SEMA4D: variants seen among roughly 807,000 people sequenced by gnomAD.
SEMA4D encodes the protein semaphorin-4D.
A neutral mutation model predicts 74.8 loss-of-function variants in SEMA4D; 22 were observed. The observed-to-expected ratio is 0.29, with a 90% confidence interval of 0.21 to 0.42. The LOEUF (loss-of-function observed/expected upper bound fraction) is 0.42. Ranked by LOEUF, SEMA4D falls within the 10% of genes least tolerant of loss-of-function variation. The pLI is 1.00. For missense variants in SEMA4D, 937 were observed against 1,118.4 expected, an observed-to-expected ratio of 0.84 and a Z score of 2.31; for synonymous variants, 445 against 463.7, an observed-to-expected ratio of 0.96 and a Z score of 0.52.
At position 89,379,284 on chromosome 9, in the gene SEMA4D, G is replaced by A. The variant is rs201398393; in HGVS notation, c.2009C>T (p.Thr670Ile). The change falls in exon 16 of 16, where the codon ACC becomes ATC. Residue 670 changes from threonine to isoleucine, a missense_variant. Transcript: ENST00000422704. ...VVQTEGSRIA[T>I]KVLVASTQGS... ...TTGGGTGGATGCCACCAACACTTTGGTGGCAATCCTACTACCTTCTGTCTG... is the reference window on the plus strand; with the variant it reads ...TTGGGTGGATGCCACCAACACTTTGATGGCAATCCTACTACCTTCTGTCTG... 357 of 1,614,046 alleles carry A rather than the reference G, an allele frequency of 2.2e-4. No homozygotes were observed. The highest frequency in any genetic ancestry group is 2.2e-4 in the Non-Finnish European group (265 of 1,180,036).
At chr9:89,419,221 C>T (rs1054878392) in intron 2 of SEMA4D, among the ~76,000 whole-genome samples, 2 of 152,222 alleles carry the variant, frequency 1.3e-5, no homozygotes, top group Non-Finnish European at 2.9e-5. Flanking sequence ...CGTAGTGGAG[C>T]TTCCAGAGAC....
chr9:89,369,294 T>C (rs1834178488), intron 16 of SEMA4D: 1 of 152,264 alleles, frequency 6.6e-6, no homozygotes, highest in Admixed American at 6.5e-5. Flanking sequence ...CTTCTGCTGC[T>C]GCCCTCTGAT....
downstream of SEMA4D, among the ~76,000 whole-genome samples, chr9:89,372,924 C>A (rs762440988): frequency 1.3e-5 from 2 of 152,122 alleles, no homozygotes; most frequent in Non-Finnish European, 2.9e-5. Context: ...CTTTCCGTAT[C>A]ATCTTCCACT....
intron 1 of SEMA4D, among the ~76,000 whole-genome samples, chr9:89,476,028 A>C (rs765237881): frequency 1.3e-5 from 2 of 152,170 alleles, no homozygotes; most frequent in Non-Finnish European, 2.9e-5. Flanking sequence ...GACCGGAATG[A>C]AGCAACCTTC....
rs539885956 is a variant in SEMA4D at position 89,392,876 on chromosome 9, G to A, written c.509-340C>T. ...CAAGCAGCTTGGACTACAGGTGCGC[G>A]CCACCATGTCTGGCTAATTTTTACA... On this transcript the variant is annotated intron_variant, in intron 7 of 15. Transcript: ENST00000422704. Among the ~76,000 whole-genome samples the A allele has an allele frequency of 9.9e-5, 15 of 152,174 alleles. No individual in the cohort carries two copies. In the East Asian group the frequency reaches 1.2e-3, roughly 12 times the overall value.
In SEMA4D at chr9:89,391,431, A is replaced by G. The variant is rs756048794; in HGVS notation, c.623-16T>C. 3 of 1,614,100 alleles carry G rather than the reference A, an allele frequency of 1.9e-6. No individual in the cohort carries two copies. The highest frequency in any genetic ancestry group is 1.1e-5 in the South Asian group (1 of 91,076). On this transcript the variant is annotated splice_polypyrimidine_tract_variant and intron_variant, in intron 8 of 15. Transcript: ENST00000422704. ...AAACTAGGCTCTGCAGAGAGAGGAC[A>G]GTGATTATCCCAGAACACAGAGCTG...
intron 1 of SEMA4D, among the ~76,000 whole-genome samples, chr9:89,477,346 A>C (rs1862030121): frequency 1.3e-5 from 2 of 152,088 alleles, no homozygotes; most frequent in Admixed American, 1.3e-4. Context: ...GGCCTACTAA[A>C]ACACTGCCAA....
intron 1 of SEMA4D, among the ~76,000 whole-genome samples, chr9:89,471,130 G>C (rs1308395275): frequency 6.6e-6 from 1 of 152,174 alleles, no homozygotes; most frequent in Non-Finnish European, 1.5e-5. Context: ...TTTTTAGCCA[G>C]ACACAAAAGG....
At chr9:89,449,497 T>C in intron 2 of SEMA4D, 1 of 740,468 alleles carries the variant, frequency 1.4e-6, no homozygotes, top group South Asian at 1.4e-5. Context: ...AGCCTGTGGC[T>C]GGGAAGGGAG....
At chr9:89,363,900 T>G in exon 17 of SEMA4D, 5 of 1,614,008 alleles carry the variant, frequency 3.1e-6, no homozygotes, top group Non-Finnish European at 4.2e-6. Flanking sequence ...GGGACACAGG[T>G]CTCCAGAGCT....
intron 2 of SEMA4D, among the ~76,000 whole-genome samples, chr9:89,413,985 A>T (rs1024086684): frequency 6.6e-6 from 1 of 152,202 alleles, no homozygotes; most frequent in Non-Finnish European, 1.5e-5. Flanking sequence ...AGATGTGAAT[A>T]GTGACTGCTG....
chr9:89,463,011 A>G (rs1857722374), intron 1 of SEMA4D, among the ~76,000 whole-genome samples: 1 of 90,178 alleles, frequency 1.1e-5, no homozygotes, highest in Admixed American at 1.2e-4. Context: ...AAGAGAACAC[A>G]GAAAAGGGAA....
chr9:89,370,557 G>GCTGGTGTGTGGTATGT (rs1834422316), intron 16 of SEMA4D, among the ~76,000 whole-genome samples: 1 of 150,120 alleles, frequency 6.7e-6, no homozygotes, highest in Admixed American at 6.6e-5. Context: ...GGGGTGTGGT[G>GCTGGTGTGTGGTATGT]CTGGTGTGTG....
chr9:89,437,660 T>G (rs1011119943), intron 2 of SEMA4D, among the ~76,000 whole-genome samples: 1 of 152,106 alleles, frequency 6.6e-6, no homozygotes, highest in Non-Finnish European at 1.5e-5. Flanking sequence ...CTGCCTCTGG[T>G]CAAGGGGTCC....
At chr9:89,448,610 G>A (rs1853559913) in intron 2 of SEMA4D, among the ~76,000 whole-genome samples, 1 of 152,248 alleles carries the variant, frequency 6.6e-6, no homozygotes, top group Non-Finnish European at 1.5e-5. Flanking sequence ...CAGCAGAGAA[G>A]GCGTAAAACC....
intron 6 of SEMA4D, among the ~76,000 whole-genome samples, chr9:89,395,653 C>T (rs1363470785): frequency 6.6e-6 from 1 of 152,128 alleles, no homozygotes; most frequent in East Asian, 1.9e-4. Context: ...GACTGAGGGT[C>T]TTACTATCCC....
chr9:89,447,402 C>T (rs1044312508), intron 2 of SEMA4D, among the ~76,000 whole-genome samples: 1 of 152,032 alleles, frequency 6.6e-6, no homozygotes, highest in Non-Finnish European at 1.5e-5. Flanking sequence ...CTCACCTCCC[C>T]AAAGCTGAGA....
rs1396381058 is a variant in SEMA4D at position 89,396,933 on chromosome 9, C to T, written c.316-98G>A. 7 of 1,056,632 alleles carry T rather than the reference C, an allele frequency of 6.6e-6. No individual in the cohort carries two copies. The Admixed American group carries it at 1.2e-4, about 19-fold the overall frequency. 65.5% of individuals were successfully genotyped at this position (1,056,632 alleles called of 1,614,324 possible). On this transcript the variant is annotated intron_variant, in intron 5 of 15. Coordinates refer to ENST00000422704, the MANE Select transcript of SEMA4D (RefSeq NM_001371194.2). ...CGTTCATCTCAGGGGCACAGACCCA[C>T]ATTCACCAACACCAGCTCACAGGTG...
intron 2 of SEMA4D, among the ~76,000 whole-genome samples, chr9:89,447,752 A>T (rs1478927868): frequency 2.7e-5 from 3 of 112,618 alleles, no homozygotes; most frequent in Non-Finnish European, 5.3e-5. Context: ...TCCTACCCCT[A>T]CCCTTCCTGA....
Sources: allele counts gnomAD v4.1 joint callset (sites outside exome capture counted in the v4.1 genomes callset), GRCh38; gene constraint gnomAD v4.1.1; transcripts MANE v1.5; gene names NCBI Gene and HGNC (gene_info 2026-07-23, HGNC 2026-07-21).